Variants in STMN1 observed in about 807,000 individuals in gnomAD.
STMN1 encodes stathmin 1.
A neutral mutation model predicts 19.7 loss-of-function variants in STMN1; 3 were observed. The observed-to-expected ratio is 0.15, with a 90% CI of 0.07 to 0.39. The LOEUF (loss-of-function observed/expected upper bound fraction) is 0.39. STMN1 is among the 10% of genes least tolerant of loss of function. The pLI, the probability that STMN1 is intolerant of heterozygous loss-of-function variation, is 1.00. For missense variants in STMN1, 99 were observed against 176.0 expected (o/e 0.56, Z 2.48); for synonymous variants, 59 against 58.9 (o/e 1.00, Z -0.01).
chr1:25,905,591 G>C (rs553124906), intron 1 of STMN1: 1 of 151,940 alleles, frequency 6.6e-6, no homozygotes, highest in African/African-American at 2.4e-5. Flanking sequence ...GCGCCTTTTC[G>C]AATCTCCCCG....
intron 3 of STMN1, chr1:25,902,834 A>G (rs1291518430): frequency 6.6e-6 from 1 of 152,184 alleles, no homozygotes; most frequent in Admixed American, 6.5e-5. Context: ...GTGTGTGTAT[A>G]CTACAAATCA....
At position 25,900,912 on chromosome 1, in the gene STMN1, C is replaced by A. The variant is rs917436159; in HGVS notation, c.*104G>T. On this transcript the variant is annotated 3_prime_UTR_variant, in exon 5 of 5. Transcript: ENST00000455785. ...ATCTACCTATACAGTCCTACATTAG[C>A]TTCTAAAATATTTGTCAGGAGGGAA... 8.2e-6 allele frequency: 13 copies of A among 1,593,096 alleles called. No individual in the cohort carries two copies. In the African/African-American group the frequency reaches 1.6e-4, roughly 20 times the overall value.
At chr1:25,894,624 G>A (rs1339688187) in intron 4 of STMN1, among the ~76,000 whole-genome samples, 1 of 152,192 alleles carries the variant, frequency 6.6e-6, no homozygotes, top group African/African-American at 2.4e-5. Context: ...AGGCTGCAGT[G>A]AGCTGTGTTT....
chr1:25,891,482 C>T (rs1217318352), intron 4 of STMN1, among the ~76,000 whole-genome samples: 3 of 152,056 alleles, frequency 2.0e-5, no homozygotes, highest in Admixed American at 6.6e-5. Context: ...AGCAGATGTC[C>T]CAGTCCCCTG....
intron 4 of STMN1, chr1:25,892,576 A>C (rs1325704856): frequency 7.1e-6 from 7 of 984,360 alleles, no homozygotes; most frequent in Admixed American, 6.2e-5. Flanking sequence ...TGAGCCGCTG[A>C]GGGTCCCCTC....
intron 4 of STMN1, chr1:25,887,504 T>A: frequency 3.0e-6 from 1 of 334,024 alleles, no homozygotes; most frequent in South Asian, 3.1e-5. Context: ...ATAAGAGAAA[T>A]ACATAGGTGG....
chr1:25,888,812 CTTCTAGGTATCACGTCTCTG>C (rs964528426), intron 4 of STMN1, among the ~76,000 whole-genome samples: 5 of 152,176 alleles, frequency 3.3e-5, no homozygotes, highest in Non-Finnish European at 7.3e-5. Context: ...GGCTGCTGTA[CTTCTAGGTATCACGTCTCTG>C]TTCCAGGAAA....
In STMN1 at chr1:25,904,691, AAGCGAC is replaced by A; in HGVS notation, c.-21_-16del. On this transcript the variant is annotated 5_prime_UTR_variant, in exon 2 of 5. Coordinates refer to ENST00000455785, the MANE Select transcript of STMN1 (RefSeq NM_005563.4). ...GAAGAAGCCATGGTGAATAGAAGAC[AAGCGAC>A]AGGCAGTGTATTCTGCACAATCAAC... 3 of 1,613,830 alleles carry A rather than the reference AAGCGAC, an allele frequency of 1.9e-6. No homozygotes were observed. Among genetic ancestry groups the A allele is most frequent in the Non-Finnish European group, 2.5e-6 (3 of 1,179,910 alleles).
chr1:25,891,982 A>G (rs1290089616), intron 4 of STMN1, among the ~76,000 whole-genome samples: 1 of 152,228 alleles, frequency 6.6e-6, no homozygotes, highest in Non-Finnish European at 1.5e-5. Flanking sequence ...TGGGTGCCCA[A>G]GCCCCCTGAA....
At chr1:25,891,552 A>C (rs2048775783) in intron 4 of STMN1, among the ~76,000 whole-genome samples, 1 of 152,174 alleles carries the variant, frequency 6.6e-6, no homozygotes, top group South Asian at 2.1e-4. Flanking sequence ...ACAGAACTTT[A>C]AGGCATCTGA....
chr1:25,891,983 G>GC (rs2048779772), intron 4 of STMN1, among the ~76,000 whole-genome samples: 1 of 152,180 alleles, frequency 6.6e-6, no homozygotes, highest in South Asian at 2.1e-4. Context: ...GGGTGCCCAA[G>GC]CCCCCTGAAA....
intron 4 of STMN1, among the ~76,000 whole-genome samples, chr1:25,892,888 A>G (rs2124232548): frequency 6.6e-6 from 1 of 152,350 alleles, no homozygotes; most frequent in Non-Finnish European, 1.5e-5. Context: ...GGACTCAATT[A>G]GGAGCCTCCA....
intron 4 of STMN1, chr1:25,889,104 C>A: frequency 2.1e-6 from 1 of 473,760 alleles, no homozygotes; most frequent in Non-Finnish European, 4.1e-6. Context: ...CAAGCTGGGT[C>A]TATAAGGAAT....
At chr1:25,904,978 T>C in intron 1 of STMN1, 1 of 354,126 alleles carries the variant, frequency 2.8e-6, no homozygotes. Context: ...CATAAAACTC[T>C]TGGATTTTTA....
At position 25,903,634 on chromosome 1, in the gene STMN1, C is replaced by T. The variant is rs769929130; in HGVS notation, c.186+7G>A. The T allele has an allele frequency of 3.5e-5, 57 of 1,610,604 alleles. No individual in the cohort carries two copies. The highest frequency in any genetic ancestry group is 4.5e-5 in the Non-Finnish European group (53 of 1,179,626). On this transcript the variant is annotated splice_region_variant and intron_variant, in intron 3 of 4. Coordinates refer to ENST00000455785, the MANE Select transcript of STMN1 (RefSeq NM_005563.4). ...ATATCCTGCTTTCTGTGAATTGCTT[C>T]GTTTACCTTGCGTCTTTCTTCTGCA...
intron 1 of STMN1, chr1:25,904,980 G>A: frequency 1.0e-4 from 34 of 336,040 alleles, no homozygotes; most frequent in South Asian, 2.6e-4. Flanking sequence ...TAAAACTCTT[G>A]GATTTTTAAA....
intron 3 of STMN1, 171 bp downstream of exon 3, chr1:25,903,470 C>A: frequency 1.2e-6 from 1 of 801,128 alleles, no homozygotes; most frequent in South Asian, 1.8e-5. Context: ...AACAAAGGAG[C>A]GGGCATGTAA....
Position 25,900,728 on chromosome 1 carries a change from G to A in STMN1, c.*288C>T, listed in dbSNP as rs1409199240. 2 of 1,212,278 alleles carry A rather than the reference G, an allele frequency of 1.6e-6. No homozygotes were observed. The highest frequency in any genetic ancestry group is 3.1e-5 in the African/African-American group (2 of 64,030). 75.1% of individuals were successfully genotyped at this position (1,212,278 alleles called of 1,614,324 possible). On this transcript the variant is annotated 3_prime_UTR_variant, in exon 5 of 5. Coordinates refer to ENST00000455785, the MANE Select transcript of STMN1 (RefSeq NM_005563.4). ...AATATGTTTTCACAGAGCCAATACA[G>A]TACTAGCCATTAACCCAGTACACCA...
chr1:25,891,774 A>G (rs4659395), intron 4 of STMN1, among the ~76,000 whole-genome samples: 4,965 of 152,154 alleles, frequency 0.033, 97 homozygotes, highest in Non-Finnish European at 0.046. Context: ...GGGGAAGAGG[A>G]TCTGCCTTCA....
Sources: gnomAD v4.1 joint callset for allele counts (sites outside exome capture counted in the v4.1 genomes callset) on GRCh38, gnomAD v4.1.1 for gene constraint, MANE v1.5 for transcripts, NCBI Gene and HGNC (gene_info 2026-07-23, HGNC 2026-07-21) for gene names.